NHERF1: variants seen among roughly 807,000 people sequenced by gnomAD.
The protein encoded by NHERF1 is NHERF family PDZ scaffold protein 1.
chr17:74,752,996 G>C, the NHERF1 span, among the ~76,000 whole-genome samples: 1 of 152,110 alleles, frequency 6.6e-6, no homozygotes, highest in African/African-American at 2.4e-5. Context: ...ATCCCGCCCC[G>C]CCCAGAGATT....
At chr17:74,750,462 A>G in the NHERF1 span, among the ~76,000 whole-genome samples, 1 of 152,134 alleles carries the variant, frequency 6.6e-6, no homozygotes, top group Admixed American at 6.5e-5. Flanking sequence ...GTAGAAGGCA[A>G]AGCCCTAGAG....
chr17:74,766,524 TAATGA>T, the NHERF1 span, among the ~76,000 whole-genome samples: 1 of 152,060 alleles, frequency 6.6e-6, no homozygotes, highest in Non-Finnish European at 1.5e-5. Flanking sequence ...TTGTTTTTTT[TAATGA>T]AATGAAATTA....
chr17:74,763,343 C>T, the NHERF1 span: 25 of 1,604,958 alleles, frequency 1.6e-5, no homozygotes, highest in East Asian at 2.2e-5. Context: ...GTGTCCGTAA[C>T]GCCTCCCCGA....
chr17:74,763,194 A>AC, the NHERF1 span: 4 of 585,580 alleles, frequency 6.8e-6, no homozygotes, highest in South Asian at 7.0e-5. Flanking sequence ...CAATGGGAGG[A>AC]CCCCCAGCCT....
chr17:74,766,926 C>T, the NHERF1 span: 5 of 1,613,954 alleles, frequency 3.1e-6, no homozygotes, highest in African/African-American at 5.3e-5. Flanking sequence ...CTGCTCTGTC[C>T]TTTGCCTAGG....
At chr17:74,749,842 G>A in the NHERF1 span, among the ~76,000 whole-genome samples, 1 of 152,242 alleles carries the variant, frequency 6.6e-6, no homozygotes, top group Non-Finnish European at 1.5e-5. This position sits in a 1 kb window ranked among gnomAD's most constrained non-coding sequence, Gnocchi z 5.6. Flanking sequence ...AGTCCTGCTG[G>A]ACTTCATCCT....
chr17:74,767,118 A>G, the NHERF1 span: 1 of 780,392 alleles, frequency 1.3e-6, no homozygotes, highest in Non-Finnish European at 2.3e-6. Context: ...CTTCAGCTCC[A>G]AGCTATAGAA....
the NHERF1 span, chr17:74,763,329 G>T: frequency 6.3e-7 from 1 of 1,594,416 alleles, no homozygotes; most frequent in Non-Finnish European, 8.6e-7. Context: ...CAGAACCAAG[G>T]CCTGTGTCCG....
At chr17:74,750,964 TTG>T in the NHERF1 span, among the ~76,000 whole-genome samples, 1 of 152,036 alleles carries the variant, frequency 6.6e-6, no homozygotes, top group Non-Finnish European at 1.5e-5. Flanking sequence ...ACACCTACAT[TTG>T]TGTGTACTTT....
the NHERF1 span, chr17:74,748,867 CG>C: frequency 6.3e-7 from 1 of 1,594,848 alleles, no homozygotes. This position sits in a 1 kb window ranked among gnomAD's most constrained non-coding sequence, Gnocchi z 4.3. Context: ...ACGCAGCGGC[CG>C]GGGCGCCCCT....
the NHERF1 span, chr17:74,763,117 T>G: frequency 9.6e-6 from 4 of 417,704 alleles, no homozygotes; most frequent in Non-Finnish European, 8.7e-6. Context: ...CCCAGCTGTG[T>G]TTGTTTAGTC....
chr17:74,755,356 C>T, the NHERF1 span, among the ~76,000 whole-genome samples: 1 of 152,186 alleles, frequency 6.6e-6, no homozygotes, highest in Non-Finnish European at 1.5e-5. Flanking sequence ...AACCAAGTAT[C>T]TACCCCCGCC....
the NHERF1 span, among the ~76,000 whole-genome samples, chr17:74,751,535 A>G: frequency 6.6e-6 from 1 of 152,262 alleles, no homozygotes. The surrounding 1 kb of genome is among the most constrained non-coding windows in gnomAD (Gnocchi z 4.3). Context: ...AGCTGTGTCC[A>G]GAACCACTCA....
At chr17:74,762,560 G>T in the NHERF1 span, among the ~76,000 whole-genome samples, 7 of 147,284 alleles carry the variant, frequency 4.8e-5, no homozygotes, top group South Asian at 1.5e-3. This position sits in a 1 kb window ranked among gnomAD's most constrained non-coding sequence, Gnocchi z 4.2. Context: ...TATTTATTTA[G>T]TTTTTTTTTT....
At chr17:74,762,007 T>C in the NHERF1 span, 20 of 1,613,798 alleles carry the variant, frequency 1.2e-5, no homozygotes, top group Non-Finnish European at 1.7e-5. This position sits in a 1 kb window ranked among gnomAD's most constrained non-coding sequence, Gnocchi z 4.2. Flanking sequence ...CCCCTGTCCC[T>C]GCAGCGCGAG....
chr17:74,752,606 ACCTCATTCTC>A, the NHERF1 span, among the ~76,000 whole-genome samples: 1 of 151,248 alleles, frequency 6.6e-6, no homozygotes. Flanking sequence ...CGATCCTCCC[ACCTCATTCTC>A]CCTAGTAGCT....
the NHERF1 span, chr17:74,768,351 T>C: frequency 7.1e-7 from 1 of 1,403,770 alleles, no homozygotes; most frequent in Non-Finnish European, 1.0e-6. Flanking sequence ...CGCATTCTGT[T>C]CTTGTGACCT....
chr17:74,750,327 C>T, the NHERF1 span, among the ~76,000 whole-genome samples: 1 of 152,176 alleles, frequency 6.6e-6, no homozygotes, highest in East Asian at 1.9e-4. Flanking sequence ...TAGGGCAGGG[C>T]GTGAGCCTCC....
the NHERF1 span, chr17:74,763,053 C>G: frequency 3.4e-6 from 1 of 292,668 alleles, no homozygotes; most frequent in East Asian, 6.6e-5. Flanking sequence ...ACAGCAAGTC[C>G]TTACCCAGGC....
Sources: gnomAD v4.1 joint callset for allele counts (sites outside exome capture counted in the v4.1 genomes callset) on GRCh38, gnomAD v4.1.1 for gene constraint, Gnocchi (gnomAD v3.1) non-coding constraint, MANE v1.5 for transcripts, NCBI Gene and HGNC (gene_info 2026-07-23, HGNC 2026-07-21) for gene names.